TTC7A: variants seen among roughly 807,000 people sequenced by gnomAD.
The protein encoded by TTC7A is tetratricopeptide repeat domain 7A, also known as tetratricopeptide repeat protein 7A.
In TTC7A, 110 loss-of-function variants were observed where a neutral mutation model predicts 103.7. The observed-to-expected ratio is 1.06, with a 90% CI of 0.91 to 1.24. TTC7A has a LOEUF of 1.24. Ranked by LOEUF, TTC7A falls within the 50% of genes most tolerant of loss-of-function variation. TTC7A has a pLI of 0.00. For missense variants in TTC7A, 1,340 were observed against 1,116.3 expected, an observed-to-expected ratio of 1.20 and a Z score of -2.86; for synonymous variants, 521 against 467.9, an observed-to-expected ratio of 1.11 and a Z score of -1.47.
intron 5 of TTC7A, among the ~76,000 whole-genome samples, chr2:46,981,002 G>A (rs1027262285): frequency 6.6e-6 from 1 of 152,200 alleles, no homozygotes; most frequent in Non-Finnish European, 1.5e-5. Context: ...ACTGCCACGT[G>A]TCCAGCAACC....
chr2:46,999,699 T>C (rs1676596633), intron 8 of TTC7A: 1 of 985,358 alleles, frequency 1.0e-6, no homozygotes, highest in Non-Finnish European at 1.2e-6. Context: ...CAAACCAGCC[T>C]GATTTTCTGA....
chr2:46,950,647 T>G, intron 2 of TTC7A, 121 bp downstream of exon 2: 1 of 1,129,214 alleles, frequency 8.9e-7, no homozygotes, highest in Non-Finnish European at 1.2e-6. Flanking sequence ...AAGCTGCCCT[T>G]GCACTTACAG....
intron 4 of TTC7A, chr2:46,978,350 A>G (rs1309854839): frequency 6.5e-6 from 1 of 154,974 alleles, no homozygotes; most frequent in African/African-American, 2.4e-5. Context: ...CACCGGTGAA[A>G]TAGAAATGAT....
At chr2:46,997,948 C>A (rs13432506) in intron 8 of TTC7A, among the ~76,000 whole-genome samples, 31,172 of 152,024 alleles carry the variant, frequency 0.21, 3,810 homozygotes, top group African/African-American at 0.34. Flanking sequence ...AAACATGGCC[C>A]GTGCTTGGAG....
upstream of TTC7A, among the ~76,000 whole-genome samples, chr2:46,939,745 T>G (rs765528611): frequency 2.0e-5 from 3 of 152,220 alleles, no homozygotes; most frequent in Non-Finnish European, 4.4e-5. Flanking sequence ...CGGGTCACCC[T>G]AATCCAACCG....
chr2:47,046,243 G>A, intron 15 of TTC7A, 72 bp from the exon 16 acceptor site: 1 of 1,225,276 alleles, frequency 8.2e-7, no homozygotes, highest in Non-Finnish European at 1.2e-6. Context: ...GAGCCGCCCT[G>A]GTGGGGCAGG....
intron 2 of TTC7A, among the ~76,000 whole-genome samples, chr2:46,919,577 A>G (rs144440588): frequency 6.6e-5 from 10 of 152,352 alleles, no homozygotes; most frequent in Non-Finnish European, 1.3e-4. Context: ...TGTGATTACT[A>G]TACATGAAAT....
intron 5 of TTC7A, among the ~76,000 whole-genome samples, chr2:46,985,877 G>C (rs190044774): frequency 3.9e-5 from 6 of 152,308 alleles, no homozygotes; most frequent in Non-Finnish European, 7.3e-5. Context: ...TTAGCCCAGG[G>C]TTTCTCAGCC....
chr2:47,032,613 G>A (rs909797077), intron 15 of TTC7A, among the ~76,000 whole-genome samples: 2 of 151,900 alleles, frequency 1.3e-5, no homozygotes, highest in South Asian at 4.2e-4. Flanking sequence ...AGCATTTGGG[G>A]ATCTGCAGGC....
chr2:47,003,559 G>C (rs1406802360), intron 8 of TTC7A, among the ~76,000 whole-genome samples: 2 of 152,176 alleles, frequency 1.3e-5, no homozygotes, highest in East Asian at 1.9e-4. Flanking sequence ...ATGGCTCGCA[G>C]CCCACTATCC....
At chr2:46,915,999 C>T (rs1203610402), upstream of TTC7A, 1 of 985,456 alleles carries the variant, frequency 1.0e-6, no homozygotes, top group Non-Finnish European at 1.2e-6. Flanking sequence ...CCAAGGGCGA[C>T]ACTCGGCTCC....
chr2:46,934,699 A>G (rs995886143), intron 2 of TTC7A, among the ~76,000 whole-genome samples: 7 of 151,722 alleles, frequency 4.6e-5, no homozygotes, highest in African/African-American at 1.7e-4. Context: ...ACAAAAACAA[A>G]CAAACAAAAA....
At position 47,073,862 on chromosome 2, in the gene TTC7A, C is replaced by G. The variant is rs777933570; in HGVS notation, c.2516C>G (p.Ala839Gly). The G allele has an allele frequency of 2.5e-6, 4 of 1,613,584 alleles. No homozygotes were observed. The highest frequency in any genetic ancestry group is 3.4e-6 in the Non-Finnish European group (4 of 1,180,034). The change falls in exon 20 of 20, where the codon GCC becomes GGC. Residue 839 changes from alanine to glycine, a missense_variant. Transcript: ENST00000319190. ...GCTGCCGTTGACTGCTTCCTCACCGCCCTTGAGCTGGAGGCCAGCAGCCCT... is the reference window on the plus strand; with the variant it reads ...GCTGCCGTTGACTGCTTCCTCACCGGCCTTGAGCTGGAGGCCAGCAGCCCT... The part of the protein sequence containing the change: ...NEAAVDCFLT[A>G]LELEASSPVL...
chr2:47,066,870 AT>A (rs1458739896), intron 19 of TTC7A, among the ~76,000 whole-genome samples: 1 of 152,128 alleles, frequency 6.6e-6, no homozygotes, highest in Non-Finnish European at 1.5e-5. Context: ...TAAAAAATAT[AT>A]TTTTTATAGT....
In TTC7A at chr2:46,950,267, GGGTATGGGT is replaced by G. The variant is rs1187265212; in HGVS notation, c.185-92_185-84del. ...CTCAGACCTGAGCCATTCATGTACT[GGGTATGGGT>G]GGTTGGGTGGGTCCAGGAGTGTGCA... is the stretch of plus-strand genomic sequence containing the variant. On this transcript the variant is annotated intron_variant, in intron 1 of 19. Coordinates refer to ENST00000319190, the MANE Select transcript of TTC7A (RefSeq NM_020458.4). 9.2e-6 allele frequency: 12 copies of G among 1,302,056 alleles called. No individual in the cohort carries two copies. In the African/African-American group the frequency reaches 1.0e-4, roughly 11 times the overall value. The allele number at this position is 1,302,056 out of a possible 1,614,324, so 80.7% of individuals were successfully genotyped here.
At chr2:47,036,788 G>C (rs939911512) in intron 15 of TTC7A, among the ~76,000 whole-genome samples, 1 of 152,234 alleles carries the variant, frequency 6.6e-6, no homozygotes, top group Non-Finnish European at 1.5e-5. Context: ...AGCCTAGGAA[G>C]TTCAGGCTGC....
At chr2:47,021,123 A>G (rs1679233259) in intron 11 of TTC7A, among the ~76,000 whole-genome samples, 1 of 152,178 alleles carries the variant, frequency 6.6e-6, no homozygotes, top group African/African-American at 2.4e-5. Flanking sequence ...AATGACATGA[A>G]CTTGGGCACA....
At chr2:47,071,707 A>G (rs950216639) in intron 19 of TTC7A, among the ~76,000 whole-genome samples, 1 of 152,196 alleles carries the variant, frequency 6.6e-6, no homozygotes, top group Non-Finnish European at 1.5e-5. Flanking sequence ...AGACACACAC[A>G]GGAAGTTACT....
chr2:47,050,974 C>T (rs1480238293), intron 17 of TTC7A: 4 of 152,214 alleles, frequency 2.6e-5, no homozygotes, highest in Non-Finnish European at 5.9e-5. Flanking sequence ...CACATTTCAC[C>T]TGCATGGGAA....
Sources: allele counts gnomAD v4.1 joint callset (sites outside exome capture counted in the v4.1 genomes callset), GRCh38; gene constraint gnomAD v4.1.1; transcripts MANE v1.5; gene names NCBI Gene and HGNC (gene_info 2026-07-23, HGNC 2026-07-21).